IMMP2L: variants seen among roughly 807,000 people sequenced by gnomAD.
The protein encoded by IMMP2L is inner mitochondrial membrane peptidase subunit 2, also known as mitochondrial inner membrane protease subunit 2.
In IMMP2L, 18 loss-of-function variants were observed where a neutral mutation model predicts 19.3. The ratio of observed to expected loss-of-function variants is 0.93; its 90% CI spans 0.64 to 1.38. IMMP2L has a LOEUF of 1.38. Among genes scored for constraint, IMMP2L ranks in the 40% most tolerant of loss-of-function variants. The probability of loss-of-function intolerance (pLI) is 0.00; values close to 1 mark genes in which losing one functional copy is unlikely to be tolerated. For synonymous variants in IMMP2L, 76 were observed against 73.0 expected (o/e 1.04, Z -0.21); for missense variants, 233 against 218.2 (o/e 1.07, Z -0.43).
chr7:111,450,641 AG>A (rs1451217510), intron 3 of IMMP2L, among the ~76,000 whole-genome samples: 5 of 149,536 alleles, frequency 3.3e-5, no homozygotes, highest in African/African-American at 1.2e-4. Flanking sequence ...TTCAGGACAT[AG>A]GCGTGGGCAA....
chr7:110,700,778 C>T (rs1429180529), intron 5 of IMMP2L, among the ~76,000 whole-genome samples: 1 of 152,166 alleles, frequency 6.6e-6, no homozygotes, highest in South Asian at 2.1e-4. Context: ...CAGAACTCCA[C>T]TCATTAATTC....
At position 111,546,383 on chromosome 7, in the gene IMMP2L, A is replaced by G. The variant is rs147680605; in HGVS notation, c.-3+15468T>C. 2.0e-3 allele frequency among the ~76,000 whole-genome samples: 300 copies of G among 152,186 alleles called. 3 individuals carry two copies. Among genetic ancestry groups the G allele is most frequent in the African/African-American group, 7.0e-3 (290 of 41,542 alleles). ...TGCCAATTAGGTTTTAAAAAAAGGC[A>G]TCTCATTAGAGTTTTAATTTTGCAT... On this transcript the variant is annotated intron_variant, in intron 1 of 5. Transcript: ENST00000405709.
intron 3 of IMMP2L, among the ~76,000 whole-genome samples, chr7:111,451,818 A>T (rs1245465409): frequency 1.3e-5 from 2 of 152,126 alleles, no homozygotes; most frequent in Admixed American, 6.6e-5. Context: ...CCTTTCAAAC[A>T]AAGAAATCCT....
intron 4 of IMMP2L, chr7:110,963,086 C>T: frequency 6.6e-7 from 1 of 1,526,488 alleles, no homozygotes; most frequent in Non-Finnish European, 8.8e-7. Flanking sequence ...AGTTTTCTCC[C>T]ATCTCTATGA....
chr7:111,432,543 C>T (rs1836739819), intron 3 of IMMP2L, among the ~76,000 whole-genome samples: 1 of 151,678 alleles, frequency 6.6e-6, no homozygotes, highest in African/African-American at 2.4e-5. Context: ...CCTCAACAAA[C>T]TAGGTATAGA....
chr7:111,347,066 G>A (rs150256805), intron 3 of IMMP2L, among the ~76,000 whole-genome samples: 3 of 152,204 alleles, frequency 2.0e-5, no homozygotes, highest in Non-Finnish European at 2.9e-5. Context: ...AGAGAGGTGG[G>A]AAAAGGCAGT....
intron 4 of IMMP2L, among the ~76,000 whole-genome samples, chr7:110,922,968 A>AAAGCCTTTTTATTTCAC (rs1227597053): frequency 3.9e-5 from 6 of 152,162 alleles, no homozygotes; most frequent in Non-Finnish European, 8.8e-5. Context: ...TGGTTGTTTC[A>AAAGCCTTTTTATTTCAC]AAGCCTTTTA....
intron 5 of IMMP2L, among the ~76,000 whole-genome samples, chr7:110,756,130 G>A (rs899935791): frequency 3.9e-5 from 6 of 152,138 alleles, no homozygotes; most frequent in East Asian, 1.9e-4. Flanking sequence ...AATGATGAAC[G>A]CGTGAATTAG....
intron 3 of IMMP2L, among the ~76,000 whole-genome samples, chr7:111,046,801 C>T (rs1361107585): frequency 6.6e-6 from 1 of 152,108 alleles, no homozygotes; most frequent in Non-Finnish European, 1.5e-5. Flanking sequence ...TTACCACTTG[C>T]CAAGCCTGGT....
At chr7:111,099,930 T>A (rs1797793285) in intron 3 of IMMP2L, 1 of 151,598 alleles carries the variant, frequency 6.6e-6, no homozygotes, top group African/African-American at 2.4e-5. Flanking sequence ...TTGGGCAACA[T>A]TTATTTAACA....
intron 3 of IMMP2L, among the ~76,000 whole-genome samples, chr7:111,344,063 A>T (rs1451564704): frequency 1.3e-5 from 2 of 152,058 alleles, no homozygotes; most frequent in Non-Finnish European, 2.9e-5. Context: ...CCCCTCTCTT[A>T]GACCTCTAAA....
In IMMP2L at chr7:110,869,824, A is replaced by T. The variant is rs1390323866; in HGVS notation, c.408+16769T>A. On this transcript the variant is annotated intron_variant, in intron 5 of 5. Coordinates refer to ENST00000405709, the MANE Select transcript of IMMP2L (RefSeq NM_032549.4). ...GAATGGGATGAGAAGCTTTGGCTCC[A>T]TCCTTCTTTCTACTGTCCTAAGATT... Among the ~76,000 whole-genome samples, 3 of 152,146 alleles carry T rather than the reference A, an allele frequency of 2.0e-5. 1 individual carries two copies. Among genetic ancestry groups the T allele is most frequent in the Non-Finnish European group, 4.4e-5 (3 of 68,000 alleles).
At chr7:110,989,969 A>G (rs1822282269) in intron 3 of IMMP2L, among the ~76,000 whole-genome samples, 1 of 152,124 alleles carries the variant, frequency 6.6e-6, no homozygotes, top group South Asian at 2.1e-4. Flanking sequence ...TTGTCCCACC[A>G]ATTCTCTGTT....
chr7:110,756,766 G>C (rs367647012), intron 5 of IMMP2L, among the ~76,000 whole-genome samples: 2 of 152,012 alleles, frequency 1.3e-5, no homozygotes, highest in South Asian at 4.1e-4. Flanking sequence ...TAAGAAAGAT[G>C]ATCTTAAATA....
intron 3 of IMMP2L, among the ~76,000 whole-genome samples, chr7:111,198,785 C>A (rs146054058): frequency 6.6e-6 from 1 of 152,256 alleles, no homozygotes; most frequent in Non-Finnish European, 1.5e-5. Context: ...TTCCATCATA[C>A]TTATATCTGG....
chr7:111,430,392 T>C (rs368803279), intron 3 of IMMP2L, among the ~76,000 whole-genome samples: 1 of 151,722 alleles, frequency 6.6e-6, no homozygotes, highest in East Asian at 1.9e-4. Flanking sequence ...TTATACATTT[T>C]TAGGAAAAGC....
At chr7:111,008,313 C>G (rs1391319111) in intron 3 of IMMP2L, among the ~76,000 whole-genome samples, 1 of 152,186 alleles carries the variant, frequency 6.6e-6, no homozygotes, top group African/African-American at 2.4e-5. Flanking sequence ...CTTGATCACA[C>G]TGACTGCCTT....
chr7:111,217,155 C>CAT (rs1562937118), intron 3 of IMMP2L, among the ~76,000 whole-genome samples: 2 of 151,240 alleles, frequency 1.3e-5, no homozygotes. Context: ...CACACACACA[C>CAT]ACACAATATG....
At chr7:111,308,345 A>T (rs1317134370) in intron 3 of IMMP2L, among the ~76,000 whole-genome samples, 2 of 152,016 alleles carry the variant, frequency 1.3e-5, no homozygotes, top group South Asian at 4.1e-4. Context: ...AGAAAAATAC[A>T]AAAGAAAAGG....
Sources: allele counts gnomAD v4.1 joint callset (sites outside exome capture counted in the v4.1 genomes callset), GRCh38; gene constraint gnomAD v4.1.1; transcripts MANE v1.5; gene names NCBI Gene and HGNC (gene_info 2026-07-23, HGNC 2026-07-21).